Variants in DAB1 observed in about 807,000 individuals in gnomAD.
DAB1 encodes the protein disabled homolog 1.
In DAB1, 15 loss-of-function variants were observed where a neutral mutation model predicts 64.6. That is an observed-to-expected ratio of 0.23 (90% CI 0.16 to 0.36). The LOEUF is 0.36. Ranked by LOEUF, DAB1 falls within the 10% of genes least tolerant of loss-of-function variation. The pLI is 1.00. For missense variants in DAB1, 596 were observed against 706.7 expected, an observed-to-expected ratio of 0.84 and a Z score of 1.78; for synonymous variants, 235 against 251.9, an observed-to-expected ratio of 0.93 and a Z score of 0.64.
chr1:58,367,800 C>A (rs1171988054), intron 3 of DAB1, among the ~76,000 whole-genome samples: 1 of 152,090 alleles, frequency 6.6e-6, no homozygotes. Flanking sequence ...TGTTACATGA[C>A]CATGGGCTCA....
intron 5 of DAB1, among the ~76,000 whole-genome samples, chr1:57,949,612 A>T (rs1645241353): frequency 6.6e-6 from 1 of 151,782 alleles, no homozygotes; most frequent in African/African-American, 2.4e-5. Flanking sequence ...CATTACTTAG[A>T]TTTTCTTGTT....
intron 7 of DAB1, among the ~76,000 whole-genome samples, chr1:57,568,058 G>C (rs955902530): frequency 6.6e-6 from 1 of 152,122 alleles, no homozygotes; most frequent in Non-Finnish European, 1.5e-5. Flanking sequence ...AAACAGCATG[G>C]TACTGGTACC....
intron 4 of DAB1, among the ~76,000 whole-genome samples, chr1:57,131,764 C>T (rs1657668452): frequency 6.6e-6 from 1 of 152,130 alleles, no homozygotes; most frequent in Non-Finnish European, 1.5e-5. Context: ...TTTTGAGGGA[C>T]AATATTGAAT....
At chr1:57,614,873 T>C (rs1193395185) in intron 7 of DAB1, among the ~76,000 whole-genome samples, 2 of 139,086 alleles carry the variant, frequency 1.4e-5, no homozygotes, top group Admixed American at 7.1e-5. Flanking sequence ...TCTTTCTTTT[T>C]TTTTTTTTTT....
chr1:57,336,742 T>G (rs775279726), intron 1 of DAB1, among the ~76,000 whole-genome samples: 16 of 152,224 alleles, frequency 1.1e-4, no homozygotes, highest in Non-Finnish European at 2.1e-4. Context: ...GTTACCCCTC[T>G]ATGTCTACCC....
intron 1 of DAB1, chr1:57,875,114 G>T (rs1644021135): frequency 6.6e-6 from 1 of 152,168 alleles, no homozygotes. Context: ...CCCTCCAGAT[G>T]AACCATTTAT....
chr1:57,026,270 G>A (rs1191974288), intron 9 of DAB1, among the ~76,000 whole-genome samples: 1 of 152,140 alleles, frequency 6.6e-6, no homozygotes, highest in African/African-American at 2.4e-5. Context: ...ATCTAGGCTT[G>A]GTCAAGACTG....
At chr1:58,169,310 C>T (rs1322395104) in intron 4 of DAB1, among the ~76,000 whole-genome samples, 1 of 152,150 alleles carries the variant, frequency 6.6e-6, no homozygotes, top group East Asian at 1.9e-4. Context: ...TTGATGAGCA[C>T]AACTATTCCG....
chr1:58,329,118 C>G (rs372190270), intron 4 of DAB1, among the ~76,000 whole-genome samples: 14 of 152,238 alleles, frequency 9.2e-5, no homozygotes, highest in African/African-American at 2.6e-4. Flanking sequence ...GTGTATTTTT[C>G]TTACTACAAA....
intron 5 of DAB1, among the ~76,000 whole-genome samples, chr1:58,136,182 A>G (rs931732679): frequency 6.6e-6 from 1 of 152,204 alleles, no homozygotes; most frequent in Non-Finnish European, 1.5e-5. Flanking sequence ...CCCTGTTAAT[A>G]GTGCTCCAGA....
At chr1:57,529,595 A>G (rs1465902406) in intron 7 of DAB1, among the ~76,000 whole-genome samples, 3 of 152,180 alleles carry the variant, frequency 2.0e-5, no homozygotes, top group African/African-American at 7.2e-5. Context: ...GACACAATAG[A>G]TTTCAAGACA....
At chr1:58,332,797 C>G (rs913099007) in intron 4 of DAB1, among the ~76,000 whole-genome samples, 1 of 152,186 alleles carries the variant, frequency 6.6e-6, no homozygotes, top group African/African-American at 2.4e-5. Context: ...GCAGTGTTCT[C>G]TCTCACTCTT....
At chr1:57,088,759 G>T (rs1653344082) in intron 4 of DAB1, among the ~76,000 whole-genome samples, 1 of 152,152 alleles carries the variant, frequency 6.6e-6, no homozygotes, top group Non-Finnish European at 1.5e-5. Flanking sequence ...TTTCTCTACT[G>T]TCAATTGTTA....
At chr1:57,111,900 G>A (rs994813065) in intron 4 of DAB1, among the ~76,000 whole-genome samples, 3 of 152,114 alleles carry the variant, frequency 2.0e-5, no homozygotes, top group Non-Finnish European at 2.9e-5. Context: ...TAGTGAGGTC[G>A]GGTTAGGTGT....
At chr1:57,398,501 G>T (rs1276398514) in intron 1 of DAB1, among the ~76,000 whole-genome samples, 1 of 152,150 alleles carries the variant, frequency 6.6e-6, no homozygotes, top group Non-Finnish European at 1.5e-5. Flanking sequence ...TTGTTTGTTT[G>T]TTTCGGAATA....
intron 2 of DAB1, among the ~76,000 whole-genome samples, chr1:57,216,621 A>G (rs1340057341): frequency 6.6e-6 from 1 of 152,220 alleles, no homozygotes; most frequent in African/African-American, 2.4e-5. Flanking sequence ...AATCTAGTTT[A>G]GAAGAAAACG....
chr1:57,512,562 G>A (rs1263006574), intron 7 of DAB1, among the ~76,000 whole-genome samples: 1 of 152,130 alleles, frequency 6.6e-6, no homozygotes, highest in Non-Finnish European at 1.5e-5. Context: ...ATGTAATTAG[G>A]GAACACAGTA....
chr1:57,690,741 T>C (rs1646754216), intron 6 of DAB1, among the ~76,000 whole-genome samples: 1 of 152,238 alleles, frequency 6.6e-6, no homozygotes, highest in African/African-American at 2.4e-5. Flanking sequence ...ATAGTGGTTG[T>C]ACTAATTTAC....
intron 4 of DAB1, among the ~76,000 whole-genome samples, chr1:58,209,684 AATT>A (rs1223908199): frequency 6.6e-6 from 1 of 152,230 alleles, no homozygotes; most frequent in Non-Finnish European, 1.5e-5. Flanking sequence ...TGTCTGATCT[AATT>A]TTTTTGCATA....
Sources: gnomAD v4.1 joint callset for allele counts (sites outside exome capture counted in the v4.1 genomes callset) on GRCh38, gnomAD v4.1.1 for gene constraint, MANE v1.5 for transcripts, NCBI Gene and HGNC (gene_info 2026-07-23, HGNC 2026-07-21) for gene names.